The following MLANA variants were observed in gnomAD, a reference collection of about 807,000 sequenced individuals.
The protein encoded by MLANA is melanoma antigen recognized by T-cells 1.
In MLANA, 21 loss-of-function variants were observed where a neutral mutation model predicts 15.7. That is an observed-to-expected ratio of 1.33 (90% CI 0.95 to 1.92). The LOEUF is 1.92. Among genes scored for constraint, MLANA ranks in the 40% most tolerant of loss-of-function variants. The probability of loss-of-function intolerance (pLI) is 0.00; values close to 1 mark genes in which losing one functional copy is unlikely to be tolerated. For synonymous variants in MLANA, 56 were observed against 51.5 expected (o/e 1.09, Z -0.37); for missense variants, 164 against 143.8 (o/e 1.14, Z -0.72).
At chr9:5,904,240 T>C (rs7846916) in intron 3 of MLANA, among the ~76,000 whole-genome samples, 134,677 of 152,184 alleles carry the variant, frequency 0.88, 61,139 homozygotes, top group Non-Finnish European at 0.99. Context: ...AGTTGGGTCT[T>C]GTTTGTTGAT....
At chr9:5,893,229 G>T (rs968600048) in intron 2 of MLANA, among the ~76,000 whole-genome samples, 4 of 152,176 alleles carry the variant, frequency 2.6e-5, no homozygotes, top group African/African-American at 9.7e-5. Context: ...TGAAAACCCA[G>T]AGGCTGCAGG....
intron 1 of MLANA, chr9:5,891,420 C>G (rs1034543545): frequency 6.6e-6 from 1 of 152,130 alleles, no homozygotes; most frequent in Non-Finnish European, 1.5e-5. Flanking sequence ...ACTTTCATTT[C>G]TTTTTTACAA....
chr9:5,896,224 C>T (rs889757274), intron 2 of MLANA, among the ~76,000 whole-genome samples: 8 of 152,178 alleles, frequency 5.3e-5, no homozygotes, highest in African/African-American at 9.7e-5. Context: ...TTCCTAACTC[C>T]GAGGACTGTG....
chr9:5,904,125 T>G (rs956280865), intron 3 of MLANA, among the ~76,000 whole-genome samples: 2 of 152,102 alleles, frequency 1.3e-5, no homozygotes, highest in African/African-American at 4.8e-5. Flanking sequence ...CCCAAAGTGC[T>G]TGGGATTACA....
chr9:5,892,807 T>A (rs1162538095), intron 2 of MLANA, among the ~76,000 whole-genome samples: 1 of 152,200 alleles, frequency 6.6e-6, no homozygotes. Flanking sequence ...CTTTTGACTA[T>A]TGGGTCTTAT....
rs969123202 is a variant in MLANA at position 5,908,728 on chromosome 9, G to A, written c.*20G>A. ...CCTTAAGAGCCAGCGAGACACCTGA[G>A]ACATGCTGAAATTATTTCTCTCACA... On this transcript the variant is annotated 3_prime_UTR_variant, in exon 5 of 5. Coordinates refer to ENST00000381477, the MANE Select transcript of MLANA (RefSeq NM_005511.2). The A allele has an allele frequency of 2.5e-6, 4 of 1,603,776 alleles. No homozygotes were observed. Among genetic ancestry groups the A allele is most frequent in the Non-Finnish European group, 3.4e-6 (4 of 1,170,826 alleles).
In MLANA at chr9:5,910,505, G is replaced by C. The variant is rs1341185063; in HGVS notation, c.*1797G>C. 1 of 152,126 alleles carries C rather than the reference G, an allele frequency of 6.6e-6. No homozygotes were observed. Among genetic ancestry groups the C allele is most frequent in the Non-Finnish European group, 1.5e-5 (1 of 68,040 alleles). 9.4% of individuals were successfully genotyped at this position (152,126 alleles called of 1,614,324 possible). Reference sequence around the variant, plus strand: ...ACCAAAGAAACTTCATCAGGCATTTGGGTACCTCCTCCCCTCACCACGAGG... The same window carrying C: ...ACCAAAGAAACTTCATCAGGCATTTCGGTACCTCCTCCCCTCACCACGAGG... On this transcript the variant is annotated 3_prime_UTR_variant, in exon 5 of 5. Coordinates refer to ENST00000381477, the MANE Select transcript of MLANA (RefSeq NM_005511.2).
chr9:5,892,249 G>T (rs1383906036), intron 1 of MLANA, among the ~76,000 whole-genome samples: 1 of 152,140 alleles, frequency 6.6e-6, no homozygotes. Flanking sequence ...CAGTTAGTAG[G>T]AGGGGTTAGA....
rs1414226577 is a variant in MLANA at position 5,909,074 on chromosome 9, T to C, written c.*366T>C. On this transcript the variant is annotated 3_prime_UTR_variant, in exon 5 of 5. Coordinates refer to ENST00000381477, the MANE Select transcript of MLANA (RefSeq NM_005511.2). ...TGGCTAATAACAAACTAGTCAGGTT[T>C]TCGAACCTTGACCGACATGAACTGT... 1.8e-5 allele frequency: 5 copies of C among 275,954 alleles called. No homozygotes were observed. In the South Asian group the frequency reaches 2.1e-4, roughly 12 times the overall value. 17.1% of individuals were successfully genotyped at this position (275,954 alleles called of 1,614,324 possible).
At chr9:5,903,921 G>A (rs1264583975) in intron 3 of MLANA, among the ~76,000 whole-genome samples, 1 of 151,622 alleles carries the variant, frequency 6.6e-6, no homozygotes, top group Non-Finnish European at 1.5e-5. Flanking sequence ...GCAGTGGTGT[G>A]ATCTCAGCTC....
intron 3 of MLANA, among the ~76,000 whole-genome samples, chr9:5,902,671 T>C (rs1832518491): frequency 2.0e-5 from 3 of 151,102 alleles, no homozygotes; most frequent in Admixed American, 6.6e-5. Context: ...TAATTTTCTT[T>C]TTTTTTTTTT....
intron 3 of MLANA, among the ~76,000 whole-genome samples, chr9:5,900,025 A>G (rs1196285071): frequency 6.6e-6 from 1 of 152,206 alleles, no homozygotes; most frequent in Non-Finnish European, 1.5e-5. Context: ...ATATATTTGT[A>G]TATCAAAAAC....
At chr9:5,903,231 T>C (rs1832562214) in intron 3 of MLANA, among the ~76,000 whole-genome samples, 1 of 152,168 alleles carries the variant, frequency 6.6e-6, no homozygotes, top group South Asian at 2.1e-4. Context: ...AAGATGTGTT[T>C]TGTGGCCCAG....
chr9:5,904,802 C>T (rs1312046543), intron 3 of MLANA, among the ~76,000 whole-genome samples: 1 of 147,848 alleles, frequency 6.8e-6, no homozygotes, highest in Non-Finnish European at 1.5e-5. Flanking sequence ...GAGACGGAGT[C>T]TCACTCCGTT....
intron 3 of MLANA, 30 bp from the exon 4 acceptor site, chr9:5,906,855 C>G: frequency 7.2e-7 from 1 of 1,390,572 alleles, no homozygotes; most frequent in Non-Finnish European, 9.8e-7. Flanking sequence ...CTTCTTCTCA[C>G]CCACTCACCT....
chr9:5,892,391 A>G (rs1831711497), intron 1 of MLANA, 59 bp from the exon 2 acceptor site: 2 of 1,259,884 alleles, frequency 1.6e-6, no homozygotes, highest in Non-Finnish European at 2.2e-6. Context: ...GGTCTTTATG[A>G]GATGATGAAT....
rs1831621636 is a variant in MLANA, at chr9:5,890,955, C to T, written c.-26+19C>T. The T allele has an allele frequency of 1.3e-5, 2 of 152,142 alleles. No individual in the cohort carries two copies. Among genetic ancestry groups the T allele is most frequent in the African/African-American group, 2.4e-5 (1 of 41,428 alleles). 9.4% of individuals were successfully genotyped at this position (152,142 alleles called of 1,614,324 possible). A position where few individuals can be genotyped will look rare whatever the true frequency, so the allele number is the denominator to read the frequency against. ...AAGGAAGGTAAGAGCGTTGCCTTCT[C>T]GCCATAATCATAGTCCTCTTCTCCC... On this transcript the variant is annotated intron_variant, in intron 1 of 4. Transcript: ENST00000381477.
At chr9:5,901,617 C>G (rs1295868173) in intron 3 of MLANA, among the ~76,000 whole-genome samples, 3 of 152,162 alleles carry the variant, frequency 2.0e-5, no homozygotes, top group African/African-American at 7.2e-5. Flanking sequence ...CTCCCAGGCT[C>G]AGGTGATCCT....
Position 5,909,273 on chromosome 9 carries a change from T to G in MLANA, c.*565T>G, listed in dbSNP as rs1307421289. 1 of 152,644 alleles carries G rather than the reference T, an allele frequency of 6.6e-6. No individual in the cohort carries two copies. Among genetic ancestry groups the G allele is most frequent in the South Asian group, 2.1e-4 (1 of 4,840 alleles). 9.5% of individuals were successfully genotyped at this position (152,644 alleles called of 1,614,324 possible). ...TGTAAAGATCCTATAGCTCTTTTTT[T>G]TTGAGATGGAGTTTCGCTTTTGTTG... is the stretch of plus-strand genomic sequence containing the variant. On this transcript the variant is annotated 3_prime_UTR_variant, in exon 5 of 5. Coordinates refer to ENST00000381477, the MANE Select transcript of MLANA (RefSeq NM_005511.2).
Sources: gnomAD v4.1 joint callset for allele counts (sites outside exome capture counted in the v4.1 genomes callset) on GRCh38, gnomAD v4.1.1 for gene constraint, MANE v1.5 for transcripts, NCBI Gene and HGNC (gene_info 2026-07-23, HGNC 2026-07-21) for gene names.